The following PEX10 variants were observed in gnomAD, a reference collection of about 807,000 sequenced individuals.
The protein encoded by PEX10 is peroxisome biogenesis factor 10.
Under a neutral mutation model 38.0 loss-of-function variants are expected in PEX10, and 32 were observed. The observed-to-expected ratio is 0.84, with a 90% CI of 0.63 to 1.13. The LOEUF (loss-of-function observed/expected upper bound fraction) is 1.13. Ranked by LOEUF, PEX10 falls within the 50% of genes most tolerant of loss-of-function variation. The pLI is 0.00. For synonymous variants in PEX10, 206 were observed against 207.3 expected, an observed-to-expected ratio of 0.99 and a Z score of 0.05; for missense variants, 483 against 457.7, an observed-to-expected ratio of 1.06 and a Z score of -0.51.
upstream of PEX10, among the ~76,000 whole-genome samples, chr1:2,412,846 T>C (rs574868842): frequency 1.9e-3 from 285 of 152,178 alleles, 3 homozygotes; most frequent in African/African-American, 6.6e-3. Flanking sequence ...TGCTGCGACC[T>C]CGGGGTCCTA....
At chr1:2,411,503 G>A (rs1283040169) in intron 1 of PEX10, among the ~76,000 whole-genome samples, 1 of 151,764 alleles carries the variant, frequency 6.6e-6, no homozygotes, top group East Asian at 1.9e-4. Context: ...AAAGTGCTGG[G>A]ATTACAGGCG....
intron 3 of PEX10, among the ~76,000 whole-genome samples, chr1:2,407,612 G>A (rs1389321769): frequency 3.3e-5 from 5 of 152,182 alleles, no homozygotes; most frequent in Admixed American, 1.3e-4. Context: ...CAACATGGAC[G>A]GGGCAAGAAA....
At position 2,405,570 on chromosome 1, in the gene PEX10, C is replaced by T. The variant is rs1427337323; in HGVS notation, c.*196G>A. 9 of 689,600 alleles carry T rather than the reference C, an allele frequency of 1.3e-5. No homozygotes were observed. Among genetic ancestry groups the T allele is most frequent in the East Asian group, 1.1e-4 (4 of 36,860 alleles). 42.7% of individuals were successfully genotyped at this position (689,600 alleles called of 1,614,324 possible). A position where few individuals can be genotyped will look rare whatever the true frequency, so the allele number is the denominator to read the frequency against. On this transcript the variant is annotated 3_prime_UTR_variant, in exon 6 of 6. Transcript: ENST00000447513. ...GTTAGGGAAATGTTCTGGGTTCAGG[C>T]GCCCCTCCCAGGGCTGAGAAAGCGC... is the stretch of plus-strand genomic sequence containing the variant.
Position 2,404,539 on chromosome 1 carries a change from G to T in PEX10, c.*1227C>A, listed in dbSNP as rs1475419616. 6 of 152,268 alleles carry T rather than the reference G, an allele frequency of 3.9e-5. No individual in the cohort carries two copies. The highest frequency in any genetic ancestry group is 3.9e-4 in the Admixed American group (6 of 15,286). The allele number at this position is 152,268 out of a possible 1,614,324, so 9.4% of individuals were successfully genotyped here. On this transcript the variant is annotated 3_prime_UTR_variant, in exon 6 of 6. Transcript: ENST00000447513. ...TCTGCCCACCCGGCCGCAGCCCCCA[G>T]TGCCTCTCCTGGTGGTCCTCCCAGT... is the stretch of plus-strand genomic sequence containing the variant.
rs937881970 is a variant in PEX10, at chr1:2,404,649, CTAAG to C, written c.*1113_*1116del. 2.0e-5 allele frequency: 3 copies of C among 152,232 alleles called. No individual in the cohort carries two copies. The highest frequency in any genetic ancestry group is 7.2e-5 in the African/African-American group (3 of 41,446). The allele number at this position is 152,232 out of a possible 1,614,324, so 9.4% of individuals were successfully genotyped here. A position where few individuals can be genotyped will look rare whatever the true frequency, so the allele number is the denominator to read the frequency against. ...CAGGAATACAGGGTCATCCTCATTC[CTAAG>C]TAAGTCAAACAGCAAGACATGGTTT... is the stretch of plus-strand genomic sequence containing the variant. On this transcript the variant is annotated 3_prime_UTR_variant, in exon 6 of 6. Transcript: ENST00000447513.
upstream of PEX10, chr1:2,413,704 A>G (rs572727550): frequency 6.6e-6 from 1 of 152,410 alleles, no homozygotes; most frequent in Admixed American, 6.5e-5. Flanking sequence ...GCAGGGCACG[A>G]CAAGGGGGCG....
chr1:2,413,526 G>A, upstream of PEX10: 1 of 152,776 alleles, frequency 6.5e-6, no homozygotes, highest in Non-Finnish European at 1.5e-5. Context: ...CACGCAGGTC[G>A]CCTGCGGTGT....
At chr1:2,411,016 A>AG (rs1330583117) in intron 1 of PEX10, 1 of 391,778 alleles carries the variant, frequency 2.6e-6, no homozygotes, top group Non-Finnish European at 5.2e-6. Flanking sequence ...AGAATCCACC[A>AG]ATGGCTGCCC....
intron 2 of PEX10, 93 bp from the exon 3 acceptor site, chr1:2,408,951 T>C (rs1416695340): frequency 8.0e-6 from 10 of 1,248,486 alleles, no homozygotes; most frequent in Non-Finnish European, 1.1e-5. Flanking sequence ...TGCTGGCTCC[T>C]GTCAACAGCC....
chr1:2,412,430 GC>G lies in PEX10; in HGVS notation c.72del (p.Leu25CysfsTer72). On this transcript the variant is annotated frameshift_variant, in exon 1 of 6. Transcript: ENST00000447513. LOFTEE classifies it high-confidence loss of function. ...AGGGCGCCGCCCGCCGCGCTCCGCA[GC>G]CCACCGCGGTAGTACTCGTCCTTCT... Reference protein sequence around the residue: ...AAQKDEYYRGGLRSAAGGALH... With the variant: ...AAQKDEYYRGXLRSAAGGALH... 1 of 1,424,652 alleles carries G rather than the reference GC, an allele frequency of 7.0e-7. No homozygotes were observed. The highest frequency in any genetic ancestry group is 9.1e-7 in the Non-Finnish European group (1 of 1,093,580). 88.3% of individuals were successfully genotyped at this position (1,424,652 alleles called of 1,614,324 possible).
In PEX10 at chr1:2,406,745, G is replaced by T. The variant is rs1355235678; in HGVS notation, c.751C>A (p.Leu251Met). The change falls in exon 4 of 6, where the codon CTG (leucine) becomes ATG (methionine). Residue 251 changes from leucine (L) to methionine (M), a missense_variant. Transcript: ENST00000447513. ...QRQRARKEWR[L>M]HRGLSHRRAS... ...CTGCGGTGAGACAGGCCGCGGTGCA[G>T]CCTCCACTCCTTCCTGGCTCGCTGC... The T allele has an allele frequency of 3.7e-6, 6 of 1,609,212 alleles. No individual in the cohort carries two copies. Among genetic ancestry groups the T allele is most frequent in the Non-Finnish European group, 3.4e-6 (4 of 1,178,486 alleles).
upstream of PEX10, chr1:2,412,654 GC>G: frequency 1.9e-6 from 1 of 531,144 alleles, no homozygotes; most frequent in Non-Finnish European, 2.8e-6. Context: ...TGGAGGCGGG[GC>G]CAGGGCCCGG....
upstream of PEX10, among the ~76,000 whole-genome samples, chr1:2,412,771 G>C (rs929659737): frequency 2.8e-4 from 43 of 152,054 alleles, no homozygotes; most frequent in Non-Finnish European, 4.1e-4. Flanking sequence ...CGCGAGCCGA[G>C]GTGGGGGCGG....
rs1052063822 is a variant in PEX10, at chr1:2,405,981, G to A, written c.913-147C>T. ...CTTCAACTAATGACCAAGAAAGCCA[G>A]CCTTTTTTCAGAAGGCCGAGTCCCA... is the stretch of plus-strand genomic sequence containing the variant. On this transcript the variant is annotated intron_variant, in intron 5 of 5. Coordinates refer to ENST00000447513, the MANE Select transcript of PEX10 (RefSeq NM_002617.4). 6.7e-6 allele frequency: 5 copies of A among 746,350 alleles called. No homozygotes were observed. The Admixed American group carries it at 1.1e-4, about 17-fold the overall frequency. 46.2% of individuals were successfully genotyped at this position (746,350 alleles called of 1,614,324 possible).
chr1:2,406,384 A>C (rs1468430606), intron 5 of PEX10, 100 bp downstream of exon 5: 1 of 1,495,000 alleles, frequency 6.7e-7, no homozygotes. Flanking sequence ...TCAAAACTGG[A>C]GGGTGCTCAG....
rs920390601 is a variant in PEX10 at position 2,410,988 on chromosome 1, C to A, written c.113-537G>T. On this transcript the variant is annotated intron_variant, in intron 1 of 5. Coordinates refer to ENST00000447513, the MANE Select transcript of PEX10 (RefSeq NM_002617.4). This position sits in a 1 kb window ranked among gnomAD's most constrained non-coding sequence, Gnocchi z 5.1. ...AAGTACACACACAAAAAATTCTCAT[C>A]ATGTCACTCTCCTGTTCAGAATCCA... The A allele has an allele frequency of 1.2e-5, 5 of 414,194 alleles. No homozygotes were observed. Among genetic ancestry groups the A allele is most frequent in the Non-Finnish European group, 2.5e-5 (5 of 203,470 alleles). 25.7% of individuals were successfully genotyped at this position (414,194 alleles called of 1,614,324 possible).
rs1642965018 is a variant in PEX10, at chr1:2,405,384, C to T, written c.*382G>A. The T allele has an allele frequency of 2.6e-6, 1 of 378,302 alleles. No homozygotes were observed. Among genetic ancestry groups the T allele is most frequent in the Middle Eastern group, 9.2e-4 (1 of 1,084 alleles). 23.4% of individuals were successfully genotyped at this position (378,302 alleles called of 1,614,324 possible). A position where few individuals can be genotyped will look rare whatever the true frequency, so the allele number is the denominator to read the frequency against. On this transcript the variant is annotated 3_prime_UTR_variant, in exon 6 of 6. Transcript: ENST00000447513. ...ATTCAGTCCATTGCCTTAACACAAG[C>T]CTGATGGGGCTGTTTTCTCACAATA...
chr1:2,412,265 T>C (rs1643260445), intron 1 of PEX10, 126 bp downstream of exon 1: 2 of 1,239,908 alleles, frequency 1.6e-6, no homozygotes, highest in Non-Finnish European at 1.0e-6. Flanking sequence ...CGAAGGAGAC[T>C]GCCGGGTCCC....
chr1:2,407,703 C>T lies in PEX10; in HGVS notation c.600+749G>A, dbSNP rs75124172. On this transcript the variant is annotated intron_variant, in intron 3 of 5. Transcript: ENST00000447513. ...GGCTCTGCGACGAGGTCACGGTGGC[C>T]TCCTGTTTAGGGTGTGTGTGGAGGC... 3.8e-3 allele frequency among the ~76,000 whole-genome samples: 580 copies of T among 152,306 alleles called. 3 individuals are homozygous for T. Among genetic ancestry groups the T allele is most frequent in the African/African-American group, 0.013 (543 of 41,576 alleles).
Sources: allele counts gnomAD v4.1 joint callset (sites outside exome capture counted in the v4.1 genomes callset), GRCh38; gene constraint gnomAD v4.1.1; non-coding constraint Gnocchi (gnomAD v3.1); transcripts MANE v1.5; gene names NCBI Gene and HGNC (gene_info 2026-07-23, HGNC 2026-07-21).